ZMYM2: variants seen among roughly 807,000 people sequenced by gnomAD.
ZMYM2 encodes the protein zinc finger MYM-type protein 2.
Under a neutral mutation model 162.8 loss-of-function variants are expected in ZMYM2, and 56 were observed. That is an observed-to-expected ratio of 0.34 (90% CI 0.28 to 0.43). The LOEUF is 0.43. Among genes scored for constraint, ZMYM2 ranks in the 20% least tolerant of loss-of-function variants. ZMYM2 has a pLI of 1.00. For synonymous variants in ZMYM2, 510 were observed against 541.6 expected (o/e 0.94, Z 0.81); for missense variants, 1,275 against 1,621.8 (o/e 0.79, Z 3.67).
chr13:19,959,414 T>C (rs1954925355), intron 1 of ZMYM2, among the ~76,000 whole-genome samples: 1 of 152,062 alleles, frequency 6.6e-6, no homozygotes, highest in African/African-American at 2.4e-5. Flanking sequence ...GGCGCTGCGC[T>C]GCGCGGCTCT....
intron 2 of ZMYM2, among the ~76,000 whole-genome samples, chr13:19,963,404 G>A (rs1955457384): frequency 1.3e-5 from 2 of 152,314 alleles, no homozygotes; most frequent in South Asian, 4.1e-4. Context: ...TTACAAAGTT[G>A]TCAATGAGAA....
At chr13:19,929,676 G>A in the ZMYM2 span, among the ~76,000 whole-genome samples, 1 of 152,012 alleles carries the variant, frequency 6.6e-6, no homozygotes, top group East Asian at 1.9e-4. Context: ...ATGCTCATGG[G>A]TGACTTTGGT....
Position 19,993,384 on chromosome 13 carries a change from A to G in ZMYM2, c.312A>G (p.Lys104=). Reference sequence around the variant, plus strand: ...ATTCCAAAATTACTCCTTCCTCAAAAGAGTTGGCATCTCAGAAGGGAAGTG... The same window carrying G: ...ATTCCAAAATTACTCCTTCCTCAAAGGAGTTGGCATCTCAGAAGGGAAGTG... ...GNDSKITPSS[K]ELASQKGSVS... is the part of the protein sequence containing the mutation. The change falls in exon 3 of 25, where the codon AAA becomes AAG. Residue 104 remains lysine, a synonymous_variant. Transcript: ENST00000610343. 2 of 1,613,750 alleles carry G rather than the reference A, an allele frequency of 1.2e-6. No individual in the cohort carries two copies. Among genetic ancestry groups the G allele is most frequent in the Non-Finnish European group, 1.7e-6 (2 of 1,179,822 alleles).
chr13:19,879,205 G>A, the ZMYM2 span, among the ~76,000 whole-genome samples: 1 of 152,152 alleles, frequency 6.6e-6, no homozygotes, highest in African/African-American at 2.4e-5. Context: ...TCTTCTGCAT[G>A]TGAATATCCA....
chr13:19,885,158 C>T, the ZMYM2 span, among the ~76,000 whole-genome samples: 1 of 152,200 alleles, frequency 6.6e-6, no homozygotes, highest in Admixed American at 6.5e-5. Flanking sequence ...TCTGTAGTCC[C>T]AGAAACTCAG....
the ZMYM2 span, among the ~76,000 whole-genome samples, chr13:19,894,299 A>G: frequency 6.6e-6 from 1 of 152,060 alleles, no homozygotes; most frequent in South Asian, 2.1e-4. Flanking sequence ...GAAGTTGGGC[A>G]AAATCATCTA....
At chr13:20,067,211 A>G (rs1315805351) in intron 20 of ZMYM2, 28 bp from the exon 21 acceptor site, 2 of 1,501,040 alleles carry the variant, frequency 1.3e-6, no homozygotes, top group African/African-American at 1.4e-5. Context: ...AAATAATAAC[A>G]ATTATTTTTT....
At chr13:19,918,639 C>T in the ZMYM2 span, among the ~76,000 whole-genome samples, 3 of 150,916 alleles carry the variant, frequency 2.0e-5, no homozygotes, top group East Asian at 4.0e-4. Context: ...GCTGGGATTA[C>T]AGGCGCCTGC....
In ZMYM2 at chr13:19,993,355, A is replaced by C. The variant is rs1256184441; in HGVS notation, c.283A>C (p.Asn95His). Residue 95 changes from asparagine (N) to histidine (H), a missense_variant, in exon 3 of 25, where the codon AAT becomes CAT. Physicochemically the swap from Asn to His is moderately conservative, Grantham distance 68. Around this residue, in one of 10 missense-constraint regions of ZMYM2, gnomAD observed 295 missense variants for 286.7 expected, o/e 1.03. Transcript: ENST00000610343. Reference sequence around the variant, plus strand: ...ATCAAAAAATGAAGAACTACAAGGAAATGATTCCAAAATTACTCCTTCCTC... The same window carrying C: ...ATCAAAAAATGAAGAACTACAAGGACATGATTCCAAAATTACTCCTTCCTC... The part of the protein sequence containing the change: ...TSSKNEELQG[N>H]DSKITPSSKE... The C allele has an allele frequency of 6.2e-7, 1 of 1,613,788 alleles. No individual in the cohort carries two copies. Among genetic ancestry groups the C allele is most frequent in the African/African-American group, 1.3e-5 (1 of 75,048 alleles).
At chr13:19,870,925 C>A in the ZMYM2 span, among the ~76,000 whole-genome samples, 1 of 152,104 alleles carries the variant, frequency 6.6e-6, no homozygotes, top group Non-Finnish European at 1.5e-5. Context: ...CTGCGCCTGG[C>A]CTTACACTGT....
intron 16 of ZMYM2, 40 bp downstream of exon 16, chr13:20,059,602 G>C (rs1163708057): frequency 1.1e-6 from 1 of 926,942 alleles, no homozygotes; most frequent in South Asian, 1.3e-5. Flanking sequence ...TTGAGATTTA[G>C]CAGACACAGT....
At chr13:19,961,602 G>A (rs934359658) in intron 2 of ZMYM2, among the ~76,000 whole-genome samples, 1 of 152,088 alleles carries the variant, frequency 6.6e-6, no homozygotes. Context: ...TGTTGATAGG[G>A]GAAGCTTGAT....
chr13:20,036,986 G>A, intron 12 of ZMYM2, 77 bp downstream of exon 12: 1 of 1,357,520 alleles, frequency 7.4e-7, no homozygotes, highest in South Asian at 1.8e-5. Flanking sequence ...TACAAATCTG[G>A]CAACTCATTT....
chr13:20,080,612 G>A (rs1389024063), intron 21 of ZMYM2, among the ~76,000 whole-genome samples: 22 of 151,742 alleles, frequency 1.4e-4, no homozygotes, highest in Admixed American at 1.2e-3. Context: ...GCCTCAGCCC[G>A]TCAAGTCGCT....
intron 6 of ZMYM2, among the ~76,000 whole-genome samples, chr13:20,008,774 A>G (rs1566283634): frequency 6.6e-6 from 1 of 152,124 alleles, no homozygotes; most frequent in Non-Finnish European, 1.5e-5. Flanking sequence ...TCAGTGTTAC[A>G]TTTGCTTTAT....
At chr13:20,083,971 A>G (rs1958076457) in intron 24 of ZMYM2, among the ~76,000 whole-genome samples, 195 bp downstream of exon 24, 1 of 152,158 alleles carries the variant, frequency 6.6e-6, no homozygotes, top group Non-Finnish European at 1.5e-5. Context: ...GAGTTTAAGC[A>G]TGTGTTAAGA....
the ZMYM2 span, among the ~76,000 whole-genome samples, chr13:19,948,387 G>A: frequency 6.6e-6 from 1 of 152,134 alleles, no homozygotes; most frequent in Admixed American, 6.6e-5. Flanking sequence ...ATGAACTGTG[G>A]TACATCCAGG....
intron 2 of ZMYM2, among the ~76,000 whole-genome samples, chr13:19,987,572 CGT>C (rs36128018): frequency 0.033 from 4,371 of 132,818 alleles, 81 homozygotes; most frequent in Middle Eastern, 0.054. Flanking sequence ...CGCCCCGCTA[CGT>C]GTGTGTGTGT....
At chr13:19,910,693 C>T in the ZMYM2 span, among the ~76,000 whole-genome samples, 1 of 152,046 alleles carries the variant, frequency 6.6e-6, no homozygotes, top group Admixed American at 6.6e-5. Context: ...CTGAGGGGAG[C>T]CCCAACCCTG....
Sources: allele counts gnomAD v4.1 joint callset (sites outside exome capture counted in the v4.1 genomes callset), GRCh38; gene constraint gnomAD v4.1.1; regional missense constraint gnomAD v4.1.1; transcripts MANE v1.5; gene names NCBI Gene and HGNC (gene_info 2026-07-23, HGNC 2026-07-21).